The following RNF32 variants were observed in gnomAD, a reference collection of about 807,000 sequenced individuals.
The protein encoded by RNF32 is ring finger protein 32.
A neutral mutation model predicts 41.0 loss-of-function variants in RNF32; 36 were observed. The ratio of observed to expected loss-of-function variants is 0.88; its 90% CI spans 0.67 to 1.16. RNF32 has a LOEUF of 1.16. RNF32 is among the 50% of genes most tolerant of loss of function. The pLI is 0.00. For missense variants in RNF32, 413 were observed against 436.7 expected (o/e 0.95, Z 0.48); for synonymous variants, 154 against 160.9 (o/e 0.96, Z 0.32).
Position 156,644,480 on chromosome 7 carries a change from C to A in RNF32, c.16-19C>A. 1 of 1,593,748 alleles carries A rather than the reference C, an allele frequency of 6.3e-7. No homozygotes were observed. The highest frequency in any genetic ancestry group is 8.6e-7 in the Non-Finnish European group (1 of 1,166,318). ...TTACATAATACTCCTCTAAATATGA[C>A]TTTTTTCCTACTTTTTAGGGTCACT... On this transcript the variant is annotated intron_variant, in intron 2 of 8. Coordinates refer to ENST00000317955, the MANE Select transcript of RNF32 (RefSeq NM_030936.4).
intron 7 of RNF32, among the ~76,000 whole-genome samples, chr7:156,663,710 T>A (rs1041619177): frequency 2.0e-5 from 3 of 152,148 alleles, no homozygotes; most frequent in Admixed American, 1.3e-4. Context: ...GCAACTAAGA[T>A]TCTTGGGGAA....
intron 7 of RNF32, among the ~76,000 whole-genome samples, chr7:156,664,540 T>C (rs1176735856): frequency 2.6e-5 from 4 of 152,206 alleles, no homozygotes; most frequent in Non-Finnish European, 5.9e-5. Context: ...GGCAAAATGA[T>C]CATCTTGATT....
chr7:156,666,341 G>A (rs1563090947), intron 7 of RNF32, among the ~76,000 whole-genome samples: 1 of 152,152 alleles, frequency 6.6e-6, no homozygotes, highest in African/African-American at 2.4e-5. Context: ...TAGTTTTCAT[G>A]CACCTTTTGG....
At position 156,670,769 on chromosome 7, in the gene RNF32, C is replaced by T. The variant is rs1006708560; in HGVS notation, c.685-4927C>T. On this transcript the variant is annotated intron_variant, in intron 7 of 8. Coordinates refer to ENST00000317955, the MANE Select transcript of RNF32 (RefSeq NM_030936.4). This position sits in a 1 kb window ranked among gnomAD's most constrained non-coding sequence, Gnocchi z 4.3. ...AACCAAATGAAAGTTACATTCAAGA[C>T]GAGAGGCAAAAGAAAAGCCAGACAA... Among the ~76,000 whole-genome samples the T allele has an allele frequency of 1.3e-5, 2 of 152,108 alleles. No homozygotes were observed. Among genetic ancestry groups the T allele is most frequent in the Non-Finnish European group, 1.5e-5 (1 of 68,038 alleles).
intron 3 of RNF32, among the ~76,000 whole-genome samples, chr7:156,651,640 A>G (rs1398578656): frequency 1.3e-5 from 2 of 152,224 alleles, no homozygotes; most frequent in African/African-American, 4.8e-5. Context: ...GGTTAGACTA[A>G]TAACATTCAG....
chr7:156,646,595 C>G, intron 3 of RNF32: 1 of 962,164 alleles, frequency 1.0e-6, no homozygotes. Flanking sequence ...CAATTCAACC[C>G]AGTACATCAA....
intron 3 of RNF32, among the ~76,000 whole-genome samples, chr7:156,649,827 C>T (rs922184166): frequency 2.6e-5 from 4 of 152,228 alleles, no homozygotes; most frequent in South Asian, 2.1e-4. Context: ...TTCTCGTTTA[C>T]GATGTTTGAC....
intron 7 of RNF32, among the ~76,000 whole-genome samples, chr7:156,663,700 G>A (rs1243987315): frequency 2.0e-5 from 3 of 152,130 alleles, no homozygotes; most frequent in Admixed American, 6.5e-5. Context: ...TATAAATTTG[G>A]CAACTAAGAT....
chr7:156,658,663 GACTT>G (rs1471103183), intron 7 of RNF32, 93 bp downstream of exon 7: 14 of 866,774 alleles, frequency 1.6e-5, no homozygotes, highest in African/African-American at 1.7e-5. Flanking sequence ...AAAACTTTGA[GACTT>G]ACTTCACTTT....
chr7:156,658,601 T>G (rs376287469), intron 7 of RNF32, 31 bp downstream of exon 7: 1 of 1,414,236 alleles, frequency 7.1e-7, no homozygotes, highest in African/African-American at 1.4e-5. Flanking sequence ...TCTCCAGATA[T>G]GGTCTCCGTG....
At chr7:156,640,681 G>A (rs957448749), upstream of RNF32, 5 of 316,392 alleles carry the variant, frequency 1.6e-5, no homozygotes, top group African/African-American at 1.2e-4. Flanking sequence ...GGCGGGGCAG[G>A]GCTGGTGAGC....
At chr7:156,676,223 G>A (rs1217202433) in intron 8 of RNF32, 196 bp from the exon 9 acceptor site, 4 of 1,500,316 alleles carry the variant, frequency 2.7e-6, no homozygotes, top group South Asian at 2.5e-5. Flanking sequence ...CAGTTCCCAG[G>A]AGTAACAGAG....
chr7:156,663,703 A>G (rs1800957847), intron 7 of RNF32, among the ~76,000 whole-genome samples: 1 of 152,232 alleles, frequency 6.6e-6, no homozygotes, highest in Non-Finnish European at 1.5e-5. Context: ...AAATTTGGCA[A>G]CTAAGATTCT....
chr7:156,659,296 T>C, intron 7 of RNF32: 1 of 1,000,438 alleles, frequency 1.0e-6, no homozygotes, highest in Non-Finnish European at 1.2e-6. Flanking sequence ...ATTCTGTATT[T>C]ATTATCACTA....
chr7:156,660,344 T>C (rs904814169), intron 7 of RNF32: 2 of 956,966 alleles, frequency 2.1e-6, no homozygotes, highest in African/African-American at 1.8e-5. Flanking sequence ...GTATGAATGC[T>C]ATTCTAGCTT....
chr7:156,665,919 G>A (rs1483101900), intron 7 of RNF32, among the ~76,000 whole-genome samples: 1 of 152,158 alleles, frequency 6.6e-6, no homozygotes, highest in Admixed American at 6.6e-5. Context: ...GTACCTGACC[G>A]CACACTAAAG....
chr7:156,670,423 C>A lies in RNF32; in HGVS notation c.685-5273C>A, dbSNP rs1242058652. Among the ~76,000 whole-genome samples the A allele has an allele frequency of 6.6e-6, 1 of 152,284 alleles. No individual in the cohort carries two copies. The highest frequency in any genetic ancestry group is 1.9e-4 in the East Asian group (1 of 5,184). On this transcript the variant is annotated intron_variant, in intron 7 of 8. Transcript: ENST00000317955. This position sits in a 1 kb window ranked among gnomAD's most constrained non-coding sequence, Gnocchi z 4.3. ...TAAGAGAGGATGTGGCGCAGGATGT[C>A]ACTGTCAGAATTTGAAGAGAAAAGA...
At chr7:156,663,722 A>G (rs1393566124) in intron 7 of RNF32, among the ~76,000 whole-genome samples, 2 of 152,230 alleles carry the variant, frequency 1.3e-5, no homozygotes, top group African/African-American at 4.8e-5. Context: ...CTTGGGGAAT[A>G]ATAGACAAAC....
At chr7:156,652,975 CTTTAA>C (rs370106885) in intron 3 of RNF32, among the ~76,000 whole-genome samples, 39 of 152,224 alleles carry the variant, frequency 2.6e-4, no homozygotes, top group South Asian at 6.2e-4. Flanking sequence ...AGGAAGCTAA[CTTTAA>C]TTTATTATTA....
Sources: gnomAD v4.1 joint callset for allele counts (sites outside exome capture counted in the v4.1 genomes callset) on GRCh38, gnomAD v4.1.1 for gene constraint, Gnocchi (gnomAD v3.1) non-coding constraint, MANE v1.5 for transcripts, NCBI Gene and HGNC (gene_info 2026-07-23, HGNC 2026-07-21) for gene names.